The following CAPZA1 variants were observed in gnomAD, a reference collection of about 807,000 sequenced individuals.
CAPZA1 encodes the protein capping actin protein of muscle Z-line subunit alpha 1.
A neutral mutation model predicts 40.8 loss-of-function variants in CAPZA1; 10 were observed. That is an observed-to-expected ratio of 0.25 (90% CI 0.15 to 0.42). CAPZA1 has a LOEUF of 0.42. CAPZA1 is among the 10% of genes least tolerant of loss of function. The probability of loss-of-function intolerance (pLI) is 1.00; values close to 1 mark genes in which losing one functional copy is unlikely to be tolerated. For synonymous variants in CAPZA1, 98 were observed against 115.0 expected (o/e 0.85, Z 0.95); for missense variants, 277 against 353.8 (o/e 0.78, Z 1.74).
intron 7 of CAPZA1, among the ~76,000 whole-genome samples, chr1:112,664,029 C>T (rs1393255343): frequency 6.6e-6 from 1 of 151,838 alleles, no homozygotes; most frequent in East Asian, 2.0e-4. Flanking sequence ...GTCAAGAGAT[C>T]GAGACCAGCC....
intron 1 of CAPZA1, among the ~76,000 whole-genome samples, chr1:112,629,824 C>T (rs142122392): frequency 6.6e-6 from 1 of 152,168 alleles, no homozygotes; most frequent in Non-Finnish European, 1.5e-5. Flanking sequence ...TGTTTTCCCA[C>T]TACCTTTTTT....
intron 3 of CAPZA1, among the ~76,000 whole-genome samples, chr1:112,650,865 G>C (rs1313229207): frequency 6.6e-6 from 1 of 152,198 alleles, no homozygotes; most frequent in Non-Finnish European, 1.5e-5. Flanking sequence ...ATGTAGTTCA[G>C]ATACTTCATT....
chr1:112,649,066 T>A (rs1189667915), intron 2 of CAPZA1, among the ~76,000 whole-genome samples: 1 of 152,240 alleles, frequency 6.6e-6, no homozygotes, highest in Non-Finnish European at 1.5e-5. Context: ...TCTTACTGAC[T>A]GAATTGTGCC....
intron 5 of CAPZA1, among the ~76,000 whole-genome samples, chr1:112,655,000 A>AT (rs962027492): frequency 1.4e-4 from 21 of 150,848 alleles, no homozygotes; most frequent in East Asian, 5.8e-4. Context: ...TTTTAAATTA[A>AT]TTTTTTTTTG....
intron 5 of CAPZA1, among the ~76,000 whole-genome samples, chr1:112,656,347 A>G (rs1299665206): frequency 2.0e-5 from 3 of 151,762 alleles, no homozygotes; most frequent in Admixed American, 1.3e-4. Context: ...ATGAATTAGT[A>G]ATATATGTAA....
intron 1 of CAPZA1, among the ~76,000 whole-genome samples, chr1:112,630,340 A>G (rs1461020714): frequency 6.6e-6 from 1 of 150,794 alleles, no homozygotes; most frequent in Non-Finnish European, 1.5e-5. Flanking sequence ...TTAATTTTTT[A>G]TTTGTATTTA....
intron 7 of CAPZA1, among the ~76,000 whole-genome samples, chr1:112,662,900 A>G (rs1175655274): frequency 1.1e-5 from 1 of 91,608 alleles, no homozygotes; most frequent in Non-Finnish European, 2.9e-5. Flanking sequence ...TTCTATGGCC[A>G]GATCTGTTGT....
Position 112,653,585 on chromosome 1 carries a change from T to C in CAPZA1, c.156-13T>C, listed in dbSNP as rs201469893. The stretch of plus-strand genomic sequence containing the variant: ...TTTTTTTTTTTTTTTAAAAAACTTT[T>C]AAAAAAAAACAGTGCATTTGCCCAG... On this transcript the variant is annotated splice_polypyrimidine_tract_variant and intron_variant, in intron 3 of 9. Transcript: ENST00000263168. 31 of 1,449,416 alleles carry C rather than the reference T, an allele frequency of 2.1e-5. 2 individuals are homozygous for C. In the East Asian group the frequency reaches 7.4e-4, roughly 35 times the overall value. 89.8% of individuals were successfully genotyped at this position (1,449,416 alleles called of 1,614,324 possible). A position where few individuals can be genotyped will look rare whatever the true frequency, so the allele number is the denominator to read the frequency against.
rs979229813 is a variant in CAPZA1, at chr1:112,666,008, C to CT, written c.586-1058dup. On this transcript the variant is annotated intron_variant, in intron 7 of 9. Transcript: ENST00000263168. ...CCTATAATAGGATAACATCTGCATT[C>CT]TTTTTTTTCCCTAAGATGGGGATCT... 6.5e-4 allele frequency among the ~76,000 whole-genome samples: 99 copies of CT among 152,136 alleles called. 1 individual carries two copies. Among genetic ancestry groups the CT allele is most frequent in the African/African-American group, 1.9e-3 (77 of 41,522 alleles).
At position 112,654,461 on chromosome 1, in the gene CAPZA1, G is replaced by A; in HGVS notation, c.220-4G>A. ...TACTCATATGTTTAATGATTCTTTG[G>A]AAGGTCTTAATTACAGAGCACGGTG... On this transcript the variant is annotated splice_polypyrimidine_tract_variant and splice_region_variant and intron_variant, in intron 4 of 9. Coordinates refer to ENST00000263168, the MANE Select transcript of CAPZA1 (RefSeq NM_006135.3). 6.3e-7 allele frequency: 1 copy of A among 1,591,632 alleles called. No individual in the cohort carries two copies.
chr1:112,621,268 T>G (rs1670647622), intron 1 of CAPZA1, among the ~76,000 whole-genome samples: 1 of 149,516 alleles, frequency 6.7e-6, no homozygotes, highest in Non-Finnish European at 1.5e-5. Context: ...GCAAAAATCC[T>G]GTTACAATAC....
chr1:112,639,765 C>T (rs1671095749), intron 1 of CAPZA1, among the ~76,000 whole-genome samples: 1 of 151,980 alleles, frequency 6.6e-6, no homozygotes. Flanking sequence ...AATTGGCCAG[C>T]CGCCCCGTCC....
chr1:112,638,926 A>ATATAGATATAGATATAGATATAGG (rs1260417895), intron 1 of CAPZA1, among the ~76,000 whole-genome samples: 2 of 148,488 alleles, frequency 1.3e-5, no homozygotes, highest in African/African-American at 5.0e-5. Context: ...ATAGATATAG[A>ATATAGATATAGATATAGATATAGG]TATAGATATA....
chr1:112,643,318 T>C (rs1271580486), intron 1 of CAPZA1, among the ~76,000 whole-genome samples: 1 of 152,212 alleles, frequency 6.6e-6, no homozygotes, highest in Non-Finnish European at 1.5e-5. Flanking sequence ...GCTCAGTTAA[T>C]ATAAGGAGCC....
intron 1 of CAPZA1, among the ~76,000 whole-genome samples, chr1:112,628,447 A>G (rs897484729): frequency 6.6e-6 from 1 of 152,242 alleles, no homozygotes; most frequent in African/African-American, 2.4e-5. Flanking sequence ...TTTAATACAT[A>G]TAGAAGGAAC....
At chr1:112,621,435 A>G (rs574195685) in intron 1 of CAPZA1, among the ~76,000 whole-genome samples, 4 of 151,944 alleles carry the variant, frequency 2.6e-5, no homozygotes, top group African/African-American at 9.6e-5. Flanking sequence ...TATTTCTTGT[A>G]GAGAGTGGGT....
chr1:112,643,588 T>C (rs1671221778), intron 1 of CAPZA1, among the ~76,000 whole-genome samples: 1 of 152,186 alleles, frequency 6.6e-6, no homozygotes, highest in Non-Finnish European at 1.5e-5. Context: ...AGGAGATGGA[T>C]TATCATGAGA....
chr1:112,620,126 C>T (rs1670571027), intron 1 of CAPZA1: 1 of 428,002 alleles, frequency 2.3e-6, no homozygotes, highest in Non-Finnish European at 4.2e-6. Flanking sequence ...CAGGGGCCTC[C>T]CTGCAAGGGA....
intron 9 of CAPZA1, 68 bp from the exon 10 acceptor site, chr1:112,669,924 C>A: frequency 6.4e-7 from 1 of 1,552,132 alleles, no homozygotes. Flanking sequence ...TTGACTATAG[C>A]ATTACTTTTC....
Sources: gnomAD v4.1 joint callset for allele counts (sites outside exome capture counted in the v4.1 genomes callset) on GRCh38, gnomAD v4.1.1 for gene constraint, MANE v1.5 for transcripts, NCBI Gene and HGNC (gene_info 2026-07-23, HGNC 2026-07-21) for gene names.